The following OR11A1 variants were observed in gnomAD, a reference collection of about 807,000 sequenced individuals.
OR11A1 encodes olfactory receptor 11A1.
For synonymous variants in OR11A1, 158 were observed against 152.2 expected (o/e 1.04, Z -0.28); for missense variants, 380 against 378.2 (o/e 1.00, Z -0.04).
At chr6:29,430,872 T>C (rs537569425) in intron 2 of OR11A1, among the ~76,000 whole-genome samples, 3 of 152,288 alleles carry the variant, frequency 2.0e-5, no homozygotes, top group African/African-American at 7.2e-5. Flanking sequence ...TATGAGAGGC[T>C]GTTATTCCCT....
At chr6:29,440,330 C>A in intron 1 of OR11A1, 2 of 1,614,130 alleles carry the variant, frequency 1.2e-6, no homozygotes, top group Non-Finnish European at 1.7e-6. Context: ...TCTTCCTCTT[C>A]TTTGGCGCCA....
chr6:29,456,027 C>T (rs1786155822), intron 1 of OR11A1, among the ~76,000 whole-genome samples: 2 of 151,582 alleles, frequency 1.3e-5, no homozygotes, highest in African/African-American at 2.4e-5. Context: ...ATCAGGAGTT[C>T]GAGATCAGCC....
intron 1 of OR11A1, among the ~76,000 whole-genome samples, chr6:29,441,513 C>T (rs752938970): frequency 2.1e-4 from 32 of 152,216 alleles, no homozygotes; most frequent in Non-Finnish European, 4.7e-4. Context: ...TGATGTCAGA[C>T]AGACTTAAAG....
At chr6:29,450,763 C>T (rs974594623) in intron 1 of OR11A1, among the ~76,000 whole-genome samples, 9 of 152,040 alleles carry the variant, frequency 5.9e-5, no homozygotes, top group Admixed American at 6.6e-5. Context: ...AGGAAGAATC[C>T]GTATTATCCA....
chr6:29,444,964 C>T (rs1784581669), intron 1 of OR11A1, among the ~76,000 whole-genome samples: 1 of 152,196 alleles, frequency 6.6e-6, no homozygotes, highest in Admixed American at 6.5e-5. Flanking sequence ...CACTATAGTG[C>T]ACCCCAGCTC....
intron 3 of OR11A1, 33 bp downstream of exon 3, chr6:29,430,268 C>T: frequency 1.0e-6 from 1 of 985,274 alleles, no homozygotes; most frequent in Non-Finnish European, 1.2e-6. Flanking sequence ...TGTTATTGCC[C>T]TCCAACTCCC....
At chr6:29,451,462 A>G (rs146101593) in intron 1 of OR11A1, among the ~76,000 whole-genome samples, 3,700 of 152,280 alleles carry the variant, frequency 0.024, 72 homozygotes, top group African/African-American at 0.054. Flanking sequence ...ATCTGACAAA[A>G]GTCTAATATC....
chr6:29,435,979 A>G (rs1176434949), intron 1 of OR11A1, among the ~76,000 whole-genome samples: 1 of 152,252 alleles, frequency 6.6e-6, no homozygotes, highest in Non-Finnish European at 1.5e-5. Context: ...CCGGTTGAAA[A>G]GAAAGTTCCA....
intron 1 of OR11A1, among the ~76,000 whole-genome samples, chr6:29,443,017 C>T (rs1784358994): frequency 1.3e-5 from 2 of 152,160 alleles, no homozygotes; most frequent in African/African-American, 4.8e-5. Flanking sequence ...TTACAAGAAG[C>T]AACATTATGA....
intron 2 of OR11A1, among the ~76,000 whole-genome samples, 161 bp downstream of exon 2, chr6:29,431,703 G>A (rs931527419): frequency 6.6e-6 from 1 of 152,120 alleles, no homozygotes; most frequent in Non-Finnish European, 1.5e-5. Flanking sequence ...GAAATACTGC[G>A]GGACTTCTTG....
intron 1 of OR11A1, chr6:29,440,668 G>A (rs374686437): frequency 6.2e-7 from 1 of 1,614,006 alleles, no homozygotes; most frequent in African/African-American, 1.3e-5. Flanking sequence ...GGCTCCTACG[G>A]GCGTATCCTC....
Position 29,427,143 on chromosome 6 carries a change from G to T in OR11A1, c.499C>A (p.Leu167Met), listed in dbSNP as rs764693429. Residue 167 changes from leucine to methionine, a missense_variant, in exon 5 of 5, where the codon CTG becomes ATG. By Grantham distance (15) the Leu-to-Met change is conservative (BLOSUM62 2). Transcript: ENST00000377149. ...DGLVVALVAQ[L>M]RFCGPNHIDQ... The stretch of plus-strand genomic sequence containing the variant: ...ATGTGGTTGGGGCCACAGAACCTCA[G>T]CTGGGCCACCAGGGCCACAACCAGT... The T allele has an allele frequency of 6.2e-7, 1 of 1,613,058 alleles. No individual in the cohort carries two copies. Among genetic ancestry groups the T allele is most frequent in the Non-Finnish European group, 8.5e-7 (1 of 1,180,018 alleles).
chr6:29,451,456 G>A (rs957801180), intron 1 of OR11A1, among the ~76,000 whole-genome samples: 1 of 152,072 alleles, frequency 6.6e-6, no homozygotes, highest in African/African-American at 2.4e-5. Flanking sequence ...CTATGCATCT[G>A]ACAAAAGTCT....
chr6:29,440,915 A>G, intron 1 of OR11A1: 3 of 1,613,106 alleles, frequency 1.9e-6, no homozygotes, highest in Non-Finnish European at 2.5e-6. Context: ...AAGCTGCCCT[A>G]AAGAGAACCA....
chr6:29,431,707 C>T (rs1034529775), intron 2 of OR11A1, among the ~76,000 whole-genome samples, 157 bp downstream of exon 2: 1 of 152,120 alleles, frequency 6.6e-6, no homozygotes, highest in African/African-American at 2.4e-5. Flanking sequence ...TACTGCGGGA[C>T]TTCTTGAAAT....
Position 29,426,996 on chromosome 6 carries a change from G to T in OR11A1, c.646C>A (p.Leu216Met), listed in dbSNP as rs1782865843. The change falls in exon 5 of 5, where the codon CTG becomes ATG. Residue 216 changes from leucine (L) to methionine (M), a missense_variant. Transcript: ENST00000377149. ...FCLTIPFGLI[L>M]TSYARIVVAV... ...ACCACAATTCTGGCATAAGATGTCA[G>T]AATCAGTCCAAAAGGAATAGTGAGG... The T allele has an allele frequency of 6.2e-7, 1 of 1,612,922 alleles. No homozygotes were observed. Among genetic ancestry groups the T allele is most frequent in the East Asian group, 2.2e-5 (1 of 44,892 alleles).
Position 29,440,963 on chromosome 6 carries a change from C to T in OR11A1, c.-388-8976G>A, listed in dbSNP as rs375398258. The T allele has an allele frequency of 2.4e-5, 38 of 1,560,820 alleles. No individual in the cohort carries two copies. The African/African-American group carries it at 4.2e-4, about 17-fold the overall frequency. ...TGCCTATGGAGATTTGAAAAGGGGG[C>T]GATAGTGACTTCTGTGCAGTGCTCT... On this transcript the variant is annotated intron_variant, in intron 1 of 4. Coordinates refer to ENST00000377149, the MANE Select transcript of OR11A1 (RefSeq NM_001394828.1).
chr6:29,427,647 T>A lies in OR11A1; in HGVS notation c.-6A>T. ...CCTGTGGAGACAATTTCCATGTCGA[T>A]CGTCCAAGTTTCTGCTTGGCAATAA... On this transcript the variant is annotated 5_prime_UTR_variant, in exon 5 of 5. Coordinates refer to ENST00000377149, the MANE Select transcript of OR11A1 (RefSeq NM_001394828.1). The A allele has an allele frequency of 6.3e-7, 1 of 1,597,122 alleles. No homozygotes were observed.
At chr6:29,428,756 CAAAAAAAAAAAAA>C (rs11424255) in intron 4 of OR11A1, among the ~76,000 whole-genome samples, 144 bp downstream of exon 4, 7 of 47,874 alleles carry the variant, frequency 1.5e-4, no homozygotes, top group Non-Finnish European at 1.8e-4. Flanking sequence ...AACTCCATCT[CAAAAAAAAAAAAA>C]AAAAAAAAAA....
Sources: gnomAD v4.1 joint callset for allele counts (sites outside exome capture counted in the v4.1 genomes callset) on GRCh38, gnomAD v4.1.1 for gene constraint, MANE v1.5 for transcripts, NCBI Gene and HGNC (gene_info 2026-07-23, HGNC 2026-07-21) for gene names.